The following UMAD1 variants were observed in gnomAD, a reference collection of about 807,000 sequenced individuals.
UMAD1 encodes UBAP1-MVB12-associated (UMA) domain containing 1.
In UMAD1, 8 loss-of-function variants were observed where a neutral mutation model predicts 6.1. The observed-to-expected ratio is 1.30, with a 90% CI of 0.76 to 2.35. The LOEUF is 2.35. Among genes scored for constraint, UMAD1 ranks in the 30% most tolerant of loss-of-function variants. The pLI, the probability that UMAD1 is intolerant of heterozygous loss-of-function variation, is 0.00. For synonymous variants in UMAD1, 56 were observed against 31.4 expected, an observed-to-expected ratio of 1.78 and a Z score of -2.61; for missense variants, 130 against 78.4, an observed-to-expected ratio of 1.66 and a Z score of -2.49.
chr7:7,757,218 C>G (rs1482155251), intron 2 of UMAD1, among the ~76,000 whole-genome samples: 6 of 152,176 alleles, frequency 3.9e-5, no homozygotes, highest in African/African-American at 1.4e-4. Context: ...GACTCTTCAA[C>G]TTCAAGACTC....
intron 2 of UMAD1, among the ~76,000 whole-genome samples, chr7:7,702,806 G>T (rs1218407041): frequency 6.0e-5 from 9 of 151,022 alleles, no homozygotes; most frequent in Non-Finnish European, 3.0e-5. Context: ...TGTTGTTGTT[G>T]TTTTTGGTTT....
At chr7:7,715,475 C>G (rs1481192691) in intron 2 of UMAD1, among the ~76,000 whole-genome samples, 2 of 152,160 alleles carry the variant, frequency 1.3e-5, no homozygotes, top group African/African-American at 4.8e-5. Context: ...ATAATTAATG[C>G]TTCCATGAAA....
intron 1 of UMAD1, among the ~76,000 whole-genome samples, chr7:7,668,422 A>G (rs2115101424): frequency 6.6e-6 from 1 of 152,322 alleles, no homozygotes; most frequent in East Asian, 1.9e-4. Flanking sequence ...GAGGGGGACC[A>G]TATTCACATA....
In UMAD1 at chr7:7,830,324, C is replaced by T. The variant is rs1393134284; in HGVS notation, c.156+28581C>T. Among the ~76,000 whole-genome samples the T allele has an allele frequency of 2.0e-5, 3 of 152,068 alleles. No individual in the cohort carries two copies. The highest frequency in any genetic ancestry group is 7.2e-5 in the African/African-American group (3 of 41,400). On this transcript the variant is annotated intron_variant, in intron 3 of 3. Coordinates refer to ENST00000682710, the MANE Select transcript of UMAD1 (RefSeq NM_001302348.2). The surrounding 1 kb of genome is among the most constrained non-coding windows in gnomAD (Gnocchi z 5.3). Reference sequence around the variant, plus strand: ...TTGTAGCAGCTGCTCTGGAGGTTAGCCCTGCCCTTCATTTCCAGCCTAGAA... The same window carrying T: ...TTGTAGCAGCTGCTCTGGAGGTTAGTCCTGCCCTTCATTTCCAGCCTAGAA...
chr7:7,773,893 G>A lies in UMAD1; in HGVS notation c.83-27777G>A, dbSNP rs139687475. 3.1e-4 allele frequency among the ~76,000 whole-genome samples: 47 copies of A among 152,250 alleles called. 1 individual carries two copies. The East Asian group carries it at 7.9e-3, about 26-fold the overall frequency. On this transcript the variant is annotated intron_variant, in intron 2 of 3. Coordinates refer to ENST00000682710, the MANE Select transcript of UMAD1 (RefSeq NM_001302348.2). Reference sequence around the variant, plus strand: ...AGCCCTGCCCTGGGAGGTATTATAAGGAGGACGAGTCTATATTAGATTGGT... The same window carrying A: ...AGCCCTGCCCTGGGAGGTATTATAAAGAGGACGAGTCTATATTAGATTGGT...
chr7:7,649,311 G>A (rs1785169338), intron 1 of UMAD1, among the ~76,000 whole-genome samples: 1 of 152,142 alleles, frequency 6.6e-6, no homozygotes, highest in Non-Finnish European at 1.5e-5. Context: ...GACCATGAGA[G>A]AAATGTAAGG....
intron 2 of UMAD1, among the ~76,000 whole-genome samples, chr7:7,786,450 C>T (rs949835344): frequency 6.6e-6 from 1 of 152,150 alleles, no homozygotes; most frequent in Non-Finnish European, 1.5e-5. Context: ...CTGTTCGTTA[C>T]ATTACTGAAA....
intron 2 of UMAD1, among the ~76,000 whole-genome samples, chr7:7,712,584 A>G (rs1417402772): frequency 6.6e-6 from 1 of 152,138 alleles, no homozygotes; most frequent in Non-Finnish European, 1.5e-5. Flanking sequence ...TCATCTTTAG[A>G]TTCTTTTGAA....
intron 1 of UMAD1, among the ~76,000 whole-genome samples, chr7:7,646,809 T>TGCACCATTCTGCTGCTCTGCC (rs1563080170): frequency 6.6e-6 from 1 of 152,120 alleles, no homozygotes; most frequent in Non-Finnish European, 1.5e-5. Flanking sequence ...TCTCCTCTGC[T>TGCACCATTCTGCTGCTCTGCC]GCACCATTCT....
At chr7:7,701,439 T>C (rs1258132950) in intron 2 of UMAD1, among the ~76,000 whole-genome samples, 1 of 152,218 alleles carries the variant, frequency 6.6e-6, no homozygotes, top group Non-Finnish European at 1.5e-5. Context: ...GGAACTGTCC[T>C]GCTCAACTTC....
chr7:7,760,348 T>G lies in UMAD1; in HGVS notation c.83-41322T>G, dbSNP rs538510057. Among the ~76,000 whole-genome samples, 20 of 151,532 alleles carry G rather than the reference T, an allele frequency of 1.3e-4. 1 individual carries two copies. The South Asian group carries it at 4.0e-3, about 30-fold the overall frequency. On this transcript the variant is annotated intron_variant, in intron 2 of 3. Coordinates refer to ENST00000682710, the MANE Select transcript of UMAD1 (RefSeq NM_001302348.2). ...TGACTCACAGAGCTGTGAGATATAATACAAATAACCATCCTGGCTAACACG... is the reference window on the plus strand; with the variant it reads ...TGACTCACAGAGCTGTGAGATATAAGACAAATAACCATCCTGGCTAACACG...
chr7:7,790,651 T>C (rs1782551122), intron 2 of UMAD1, among the ~76,000 whole-genome samples: 1 of 152,204 alleles, frequency 6.6e-6, no homozygotes, highest in Admixed American at 6.5e-5. Context: ...CAAATCTCTT[T>C]CCTGATACGA....
intron 3 of UMAD1, among the ~76,000 whole-genome samples, chr7:7,803,334 G>C (rs943864702): frequency 3.3e-5 from 5 of 152,192 alleles, no homozygotes; most frequent in Non-Finnish European, 5.9e-5. Context: ...AATTAGCTGA[G>C]TGTGGTGGCA....
chr7:7,758,973 G>T (rs1781832372), intron 2 of UMAD1, among the ~76,000 whole-genome samples: 1 of 152,120 alleles, frequency 6.6e-6, no homozygotes, highest in East Asian at 1.9e-4. Context: ...GTTCTTTGGG[G>T]ACTAGTCAAA....
rs1330022002 is a variant in UMAD1 at position 7,877,485 on chromosome 7, T to C, written c.361T>C (p.Ser121Pro). ...CTCCTATGATGGCAGCGAAAACTTA[T>C]CACGGTTTTGGTATGATTTCACTCT... is the stretch of plus-strand genomic sequence containing the variant. ...LLSYDGSENL[S>P]RFWYDFTLEN... is the part of the protein sequence containing the mutation. The change falls in exon 4 of 4, where the codon TCA (serine) becomes CCA (proline). Residue 121 changes from serine (S) to proline (P), a missense_variant. Coordinates refer to ENST00000682710, the MANE Select transcript of UMAD1 (RefSeq NM_001302348.2). 8.4e-6 allele frequency: 6 copies of C among 717,448 alleles called. No homozygotes were observed. The highest frequency in any genetic ancestry group is 5.4e-5 in the East Asian group (2 of 37,304). 44.4% of individuals were successfully genotyped at this position (717,448 alleles called of 1,614,324 possible).
intron 2 of UMAD1, among the ~76,000 whole-genome samples, chr7:7,752,990 T>C (rs1403131371): frequency 6.6e-6 from 1 of 152,176 alleles, no homozygotes; most frequent in Non-Finnish European, 1.5e-5. Context: ...AAAAAATATA[T>C]TTATTATGTA....
At chr7:7,836,296 A>G (rs906529091) in intron 3 of UMAD1, among the ~76,000 whole-genome samples, 2 of 151,962 alleles carry the variant, frequency 1.3e-5, no homozygotes, top group African/African-American at 4.8e-5. Context: ...GTGGTTTTCT[A>G]TGGTCTTTAC....
At chr7:7,814,762 G>A (rs963973723) in intron 3 of UMAD1, among the ~76,000 whole-genome samples, 49 of 152,196 alleles carry the variant, frequency 3.2e-4, no homozygotes, top group Middle Eastern at 3.4e-3. Context: ...CTGCGAGAAC[G>A]TGTGTGACAT....
At chr7:7,858,986 T>G (rs147855712) in intron 3 of UMAD1, among the ~76,000 whole-genome samples, 2,134 of 152,314 alleles carry the variant, frequency 0.014, 51 homozygotes, top group African/African-American at 0.048. Flanking sequence ...TTCCTAGAGA[T>G]ATTTCTAATG....
Sources: gnomAD v4.1 joint callset for allele counts (sites outside exome capture counted in the v4.1 genomes callset) on GRCh38, gnomAD v4.1.1 for gene constraint, Gnocchi (gnomAD v3.1) non-coding constraint, MANE v1.5 for transcripts, NCBI Gene and HGNC (gene_info 2026-07-23, HGNC 2026-07-21) for gene names.